Variants in RTL4 observed in about 807,000 individuals in gnomAD.
RTL4 encodes retrotransposon Gag-like protein 4.
Under a neutral mutation model 5.3 loss-of-function variants are expected in RTL4, and 4 were observed. That is an observed-to-expected ratio of 0.75 (90% confidence interval 0.37 to 1.72). RTL4 has a LOEUF of 1.72. Among genes scored for constraint, RTL4 ranks in the 40% most tolerant of loss-of-function variants. The pLI is 0.04. For synonymous variants in RTL4, 98 were observed against 87.3 expected, an observed-to-expected ratio of 1.12 and a Z score of -0.68; for missense variants, 260 against 227.1, an observed-to-expected ratio of 1.14 and a Z score of -0.93.
At chrX:112,229,670 A>G in the RTL4 span, among the ~76,000 whole-genome samples, 151 of 112,222 alleles carry the variant, frequency 1.3e-3, 2 homozygotes, top group East Asian at 0.034. Context: ...ATTAATCACA[A>G]AAAATCTCAT....
At chrX:112,177,774 T>G in the RTL4 span, among the ~76,000 whole-genome samples, 1 of 111,114 alleles carries the variant, frequency 9.0e-6, no homozygotes. Context: ...ACCATCCAGT[T>G]TCTTATTTCT....
exon 1 of RTL4, chrX:112,455,605 T>C (rs759067998): frequency 8.3e-7 from 1 of 1,211,130 alleles, no homozygotes; most frequent in South Asian, 1.8e-5. Context: ...CACAAGAGAT[T>C]GCCTTGCCAA....
At chrX:112,288,722 C>T in the RTL4 span, among the ~76,000 whole-genome samples, 1 of 111,330 alleles carries the variant, frequency 9.0e-6, no homozygotes, top group Admixed American at 9.5e-5. Flanking sequence ...GGGACCCAGG[C>T]TAATGGAATA....
At chrX:112,246,324 G>T in the RTL4 span, among the ~76,000 whole-genome samples, 4 of 111,919 alleles carry the variant, frequency 3.6e-5, no homozygotes, top group African/African-American at 1.3e-4. Flanking sequence ...TGCCCCAGAG[G>T]TGGAGTCTAC....
chrX:112,427,715 G>C, the RTL4 span, among the ~76,000 whole-genome samples: 1 of 110,010 alleles, frequency 9.1e-6, no homozygotes, highest in Admixed American at 9.7e-5. Flanking sequence ...TTTAAGAACT[G>C]CTTTTGCTGC....
chrX:112,302,294 A>G, the RTL4 span, among the ~76,000 whole-genome samples: 1 of 109,364 alleles, frequency 9.1e-6, no homozygotes, highest in East Asian at 2.9e-4. Flanking sequence ...TTTGGACTTA[A>G]GACTTAAGAG....
chrX:112,218,367 T>G, the RTL4 span, among the ~76,000 whole-genome samples: 1 of 112,105 alleles, frequency 8.9e-6, no homozygotes, highest in African/African-American at 3.2e-5. Context: ...ACATGTGTTG[T>G]TAACTGGTGC....
the RTL4 span, among the ~76,000 whole-genome samples, chrX:112,201,767 A>T: frequency 3.6e-5 from 4 of 111,699 alleles, no homozygotes; most frequent in Non-Finnish European, 7.5e-5. Context: ...CATTGATTTT[A>T]AAAACATTTT....
the RTL4 span, among the ~76,000 whole-genome samples, chrX:112,181,434 G>A: frequency 8.9e-6 from 1 of 112,139 alleles, no homozygotes; most frequent in Non-Finnish European, 1.9e-5. Flanking sequence ...CCACTGGCTT[G>A]AAATTCTCAA....
At chrX:112,319,015 A>G in the RTL4 span, among the ~76,000 whole-genome samples, 1 of 111,716 alleles carries the variant, frequency 9.0e-6, no homozygotes, top group South Asian at 3.7e-4. Context: ...GATTTCCTAC[A>G]TGGGAGCTCA....
the RTL4 span, among the ~76,000 whole-genome samples, chrX:112,087,354 G>A: frequency 1.0e-5 from 1 of 97,523 alleles, no homozygotes; most frequent in African/African-American, 3.9e-5. Context: ...TTTTCCAATT[G>A]TGGGGAAAAG....
the RTL4 span, among the ~76,000 whole-genome samples, chrX:112,324,563 T>C: frequency 6.3e-5 from 7 of 111,518 alleles, no homozygotes; most frequent in Admixed American, 1.9e-4. Context: ...TGTGCAATTT[T>C]TTTTAACTTT....
the RTL4 span, among the ~76,000 whole-genome samples, chrX:112,364,335 A>G: frequency 9.0e-6 from 1 of 111,612 alleles, no homozygotes; most frequent in Non-Finnish European, 1.9e-5. Context: ...ATTCATAAAC[A>G]TGAAGTCTGA....
At chrX:112,425,620 T>C in the RTL4 span, among the ~76,000 whole-genome samples, 1 of 111,747 alleles carries the variant, frequency 8.9e-6, no homozygotes, top group Admixed American at 9.5e-5. Flanking sequence ...TTTTGGCTAC[T>C]CTAATAGATA....
the RTL4 span, among the ~76,000 whole-genome samples, chrX:112,234,883 A>G: frequency 8.9e-6 from 1 of 111,851 alleles, no homozygotes; most frequent in Admixed American, 9.5e-5. Flanking sequence ...AGTGCACAGT[A>G]GAGCACTTAT....
At chrX:112,411,709 T>C in the RTL4 span, among the ~76,000 whole-genome samples, 1 of 111,017 alleles carries the variant, frequency 9.0e-6, no homozygotes, top group African/African-American at 3.3e-5. Flanking sequence ...TACTTCAACA[T>C]AATAAAAGAC....
the RTL4 span, among the ~76,000 whole-genome samples, chrX:112,364,361 C>T: frequency 9.0e-6 from 1 of 111,434 alleles, no homozygotes; most frequent in Non-Finnish European, 1.9e-5. Flanking sequence ...ATTCCAGTAT[C>T]CCAGATTTAT....
At chrX:112,393,158 T>G in the RTL4 span, among the ~76,000 whole-genome samples, 1 of 97,741 alleles carries the variant, frequency 1.0e-5, no homozygotes, top group African/African-American at 4.7e-5. Context: ...TTTTTTTTTT[T>G]TTGTTTTTTT....
chrX:112,336,636 A>T, the RTL4 span, among the ~76,000 whole-genome samples: 2 of 112,686 alleles, frequency 1.8e-5, no homozygotes, highest in Non-Finnish European at 3.7e-5. Flanking sequence ...ATAATCAATT[A>T]AAATAAAAAT....
Sources: gnomAD v4.1 joint callset for allele counts (sites outside exome capture counted in the v4.1 genomes callset) on GRCh38, gnomAD v4.1.1 for gene constraint, MANE v1.5 for transcripts, NCBI Gene and HGNC (gene_info 2026-07-23, HGNC 2026-07-21) for gene names.